The following GSK3B variants were observed in gnomAD, a reference collection of about 807,000 sequenced individuals.
The protein encoded by GSK3B is glycogen synthase kinase 3 beta.
GSK3B carries 15 observed loss-of-function variants against 56.4 expected under a neutral mutation model. The observed-to-expected ratio is 0.27, with a 90% CI of 0.18 to 0.41. GSK3B has a LOEUF of 0.41. GSK3B is among the 10% of genes least tolerant of loss of function. GSK3B has a pLI of 1.00. For missense variants in GSK3B, 300 were observed against 513.4 expected (o/e 0.58, Z 4.02); for synonymous variants, 181 against 188.9 (o/e 0.96, Z 0.34).
At chr3:119,907,493 A>T (rs1456693594) in intron 6 of GSK3B, among the ~76,000 whole-genome samples, 3 of 152,156 alleles carry the variant, frequency 2.0e-5, no homozygotes, top group Non-Finnish European at 4.4e-5. Context: ...GGTACTTATC[A>T]ATCACTTTCT....
intron 1 of GSK3B, among the ~76,000 whole-genome samples, chr3:120,011,219 T>G (rs2057776436): frequency 6.6e-6 from 1 of 152,236 alleles, no homozygotes; most frequent in Non-Finnish European, 1.5e-5. Context: ...ACCTTTGTAT[T>G]TTCCTTGCTC....
intron 9 of GSK3B, among the ~76,000 whole-genome samples, chr3:119,851,843 A>AT (rs1314227987): frequency 2.6e-5 from 4 of 152,246 alleles, no homozygotes; most frequent in African/African-American, 9.6e-5. Context: ...AAAAAGGTTT[A>AT]AATGACTTAA....
rs1192527367 is a variant in GSK3B at position 119,966,599 on chromosome 3, G to C, written c.283-19248C>G. Among the ~76,000 whole-genome samples, 2 of 152,154 alleles carry C rather than the reference G, an allele frequency of 1.3e-5. 1 individual carries two copies. Among genetic ancestry groups the C allele is most frequent in the African/African-American group, 4.8e-5 (2 of 41,436 alleles). ...TATTATAATCGCCAACCACATTAAG[G>C]AATCAGAGAGACTGGCTGGGGGTTA... On this transcript the variant is annotated intron_variant, in intron 2 of 10. Coordinates refer to ENST00000264235, the MANE Select transcript of GSK3B (RefSeq NM_001146156.2).
At chr3:120,035,685 C>T (rs971991101) in intron 1 of GSK3B, among the ~76,000 whole-genome samples, 20 of 152,040 alleles carry the variant, frequency 1.3e-4, no homozygotes, top group African/African-American at 4.6e-4. Context: ...CCATATTATA[C>T]GTTTTATACT....
In GSK3B at chr3:120,094,384, GGGCGGCGGCGGCGGC is replaced by G. The variant is rs556855605; in HGVS notation, c.-965_-951del. On this transcript the variant is annotated 5_prime_UTR_variant, in exon 1 of 11. Coordinates refer to ENST00000264235, the MANE Select transcript of GSK3B (RefSeq NM_001146156.2). Reference sequence around the variant, plus strand: ...CCTTCCTTCCTTTGTCACTTGGCCCGGGCGGCGGCGGCGGCGGCGGCGGCACAAGCCCGCATTCGC... The same window carrying G: ...CCTTCCTTCCTTTGTCACTTGGCCCGGGCGGCGGCACAAGCCCGCATTCGC... The G allele has an allele frequency of 3.2e-6, 1 of 311,070 alleles. No individual in the cohort carries two copies. Among genetic ancestry groups the G allele is most frequent in the Non-Finnish European group, 6.0e-6 (1 of 167,644 alleles). The allele number at this position is 311,070 out of a possible 1,614,324, so 19.3% of individuals were successfully genotyped here.
intron 10 of GSK3B, among the ~76,000 whole-genome samples, chr3:119,837,023 G>C (rs1231262851): frequency 6.6e-6 from 1 of 152,208 alleles, no homozygotes; most frequent in Non-Finnish European, 1.5e-5. Context: ...AGTATGGAGG[G>C]CAAGTTAGCT....
At chr3:119,989,645 CAA>C (rs766816915) in intron 2 of GSK3B, among the ~76,000 whole-genome samples, 68 of 110,520 alleles carry the variant, frequency 6.2e-4, no homozygotes, top group Non-Finnish European at 5.8e-4. Context: ...AGTCTGACTC[CAA>C]AAAAAAAAAA....
chr3:119,885,684 C>T (rs2056428242), intron 7 of GSK3B, among the ~76,000 whole-genome samples: 1 of 152,008 alleles, frequency 6.6e-6, no homozygotes, highest in Non-Finnish European at 1.5e-5. Flanking sequence ...AAAACAGCAT[C>T]ATATTGGCAC....
At chr3:119,931,040 C>T (rs1264766061) in intron 3 of GSK3B, among the ~76,000 whole-genome samples, 1 of 152,150 alleles carries the variant, frequency 6.6e-6, no homozygotes, top group African/African-American at 2.4e-5. Context: ...AAATAAATAG[C>T]CACAGGGAAT....
At chr3:119,872,802 CA>C (rs1365644745) in intron 8 of GSK3B, among the ~76,000 whole-genome samples, 2 of 151,486 alleles carry the variant, frequency 1.3e-5, no homozygotes, top group African/African-American at 4.9e-5. Flanking sequence ...CGCTATCTTA[CA>C]AAAGAAAAAA....
intron 1 of GSK3B, among the ~76,000 whole-genome samples, chr3:120,028,215 G>C (rs1332003772): frequency 6.6e-6 from 1 of 152,156 alleles, no homozygotes; most frequent in Non-Finnish European, 1.5e-5. Context: ...TGTTTATCTA[G>C]TCTTAACTTT....
At chr3:120,009,941 G>T (rs2057764008) in intron 1 of GSK3B, among the ~76,000 whole-genome samples, 1 of 151,990 alleles carries the variant, frequency 6.6e-6, no homozygotes, top group Non-Finnish European at 1.5e-5. Flanking sequence ...ATTTATCATG[G>T]CCAGCCATCT....
intron 9 of GSK3B, among the ~76,000 whole-genome samples, chr3:119,850,461 C>T (rs184103572): frequency 6.6e-6 from 1 of 152,266 alleles, no homozygotes; most frequent in East Asian, 1.9e-4. Context: ...CAACTTTTCC[C>T]TGTGAGGAAG....
chr3:119,975,470 T>C (rs1416438946), intron 2 of GSK3B, among the ~76,000 whole-genome samples: 1 of 152,084 alleles, frequency 6.6e-6, no homozygotes, highest in African/African-American at 2.4e-5. Flanking sequence ...TGAGCTATCA[T>C]ATCACAAAGT....
intron 7 of GSK3B, among the ~76,000 whole-genome samples, chr3:119,890,254 A>C (rs2056486967): frequency 6.6e-6 from 1 of 152,144 alleles, no homozygotes; most frequent in South Asian, 2.1e-4. Flanking sequence ...TCATAGGTGA[A>C]TGGATAAAGA....
intron 3 of GSK3B, among the ~76,000 whole-genome samples, chr3:119,946,456 T>C (rs1322172962): frequency 6.6e-6 from 1 of 152,196 alleles, no homozygotes; most frequent in Non-Finnish European, 1.5e-5. Flanking sequence ...AGATATTATA[T>C]GCATGAAATC....
chr3:120,046,295 G>A (rs1428234136), intron 1 of GSK3B, among the ~76,000 whole-genome samples: 3 of 152,166 alleles, frequency 2.0e-5, no homozygotes, highest in South Asian at 2.1e-4. Flanking sequence ...TAATAATTTA[G>A]TATCAATATT....
At chr3:119,963,256 G>A (rs369934003) in intron 2 of GSK3B, among the ~76,000 whole-genome samples, 1 of 152,084 alleles carries the variant, frequency 6.6e-6, no homozygotes, top group Non-Finnish European at 1.5e-5. Flanking sequence ...TTGTTAAAAT[G>A]TCCATATTAT....
intron 4 of GSK3B, among the ~76,000 whole-genome samples, chr3:119,917,738 T>A (rs186450356): frequency 1.3e-5 from 2 of 151,898 alleles, no homozygotes; most frequent in Non-Finnish European, 2.9e-5. Context: ...TATTCTTTCA[T>A]CTGAAAGATC....
Sources: allele counts gnomAD v4.1 joint callset (sites outside exome capture counted in the v4.1 genomes callset), GRCh38; gene constraint gnomAD v4.1.1; transcripts MANE v1.5; gene names NCBI Gene and HGNC (gene_info 2026-07-23, HGNC 2026-07-21).